MEIS1: variants seen among roughly 807,000 people sequenced by gnomAD.
The protein encoded by MEIS1 is Meis homeobox 1, also known as homeobox protein Meis1.
MEIS1 carries 5 observed loss-of-function variants against 50.8 expected under a neutral mutation model. The observed-to-expected ratio is 0.10, with a 90% confidence interval of 0.05 to 0.21. The LOEUF is 0.21. MEIS1 is among the 10% of genes least tolerant of loss of function. The pLI, the probability that MEIS1 is intolerant of heterozygous loss-of-function variation, is 1.00. For synonymous variants in MEIS1, 176 were observed against 179.3 expected (o/e 0.98, Z 0.15); for missense variants, 318 against 517.3 (o/e 0.61, Z 3.74).
intron 3 of MEIS1, 182 bp downstream of exon 3, chr2:66,440,166 CTCTG>C (rs959871139): frequency 8.2e-5 from 54 of 655,202 alleles, no homozygotes; most frequent in Middle Eastern, 8.5e-4. Flanking sequence ...CAGATTTTCT[CTCTG>C]TCTGAGTGTC....
intron 2 of MEIS1, among the ~76,000 whole-genome samples, chr2:66,438,848 T>C (rs1188562001): frequency 1.3e-5 from 2 of 152,044 alleles, no homozygotes; most frequent in Non-Finnish European, 2.9e-5. Flanking sequence ...AAAATATATA[T>C]AATCTTTTTA....
At chr2:66,554,430 G>A (rs536085298) in intron 9 of MEIS1, among the ~76,000 whole-genome samples, 1 of 152,334 alleles carries the variant, frequency 6.6e-6, no homozygotes, top group African/African-American at 2.4e-5. Flanking sequence ...GGGATGAGGG[G>A]CTGAGAGGTG....
rs374357094 is a variant in MEIS1, at chr2:66,477,385, A to G, written c.742+13165A>G. 7.2e-5 allele frequency among the ~76,000 whole-genome samples: 11 copies of G among 152,264 alleles called. No individual in the cohort carries two copies. The East Asian group carries it at 7.7e-4, about 11-fold the overall frequency. Reference sequence around the variant, plus strand: ...TACACAGACTACAGGTCCCACTGGCATGCTCTTTCTTTGTCTTCTTTTGAA... The same window carrying G: ...TACACAGACTACAGGTCCCACTGGCGTGCTCTTTCTTTGTCTTCTTTTGAA... On this transcript the variant is annotated intron_variant, in intron 7 of 12. Transcript: ENST00000272369.
Position 66,479,598 on chromosome 2 carries a change from A to G in MEIS1, c.742+15378A>G, listed in dbSNP as rs1672970776. On this transcript the variant is annotated intron_variant, in intron 7 of 12. Transcript: ENST00000272369. ...GAGATGAAGATCTTATAAAAATGCA[A>G]TAGACTTATGGTGCCAAAATGCTCT... 2.0e-5 allele frequency among the ~76,000 whole-genome samples: 3 copies of G among 152,224 alleles called. No homozygotes were observed. In the South Asian group the frequency reaches 6.2e-4, roughly 32 times the overall value.
chr2:66,466,483 A>T (rs1251660436), intron 7 of MEIS1, among the ~76,000 whole-genome samples: 1 of 152,220 alleles, frequency 6.6e-6, no homozygotes, highest in Non-Finnish European at 1.5e-5. Context: ...GCAACAACTT[A>T]TGCACACTTC....
intron 7 of MEIS1, among the ~76,000 whole-genome samples, chr2:66,487,024 A>G (rs921529801): frequency 2.6e-5 from 4 of 152,182 alleles, no homozygotes; most frequent in Non-Finnish European, 5.9e-5. Flanking sequence ...TAAATATACA[A>G]TCATGTCATC....
At chr2:66,519,911 T>G (rs953596925) in intron 8 of MEIS1, among the ~76,000 whole-genome samples, 1 of 152,220 alleles carries the variant, frequency 6.6e-6, no homozygotes, top group Non-Finnish European at 1.5e-5. Context: ...TAGTTGTCTT[T>G]GCATTTCATT....
chr2:66,520,132 C>G (rs1283578216), intron 8 of MEIS1, among the ~76,000 whole-genome samples: 1 of 151,872 alleles, frequency 6.6e-6, no homozygotes, highest in African/African-American at 2.4e-5. Context: ...AAGGTCATTT[C>G]TGTTGCAGTT....
intron 7 of MEIS1, among the ~76,000 whole-genome samples, chr2:66,485,251 C>T (rs1673114414): frequency 6.6e-6 from 1 of 152,196 alleles, no homozygotes; most frequent in East Asian, 1.9e-4. Flanking sequence ...CACTATCCCT[C>T]CCCTTGCACC....
chr2:66,516,126 C>T (rs1433050308), intron 8 of MEIS1, among the ~76,000 whole-genome samples: 1 of 152,164 alleles, frequency 6.6e-6, no homozygotes, highest in East Asian at 1.9e-4. Flanking sequence ...AATCAAGGGT[C>T]TCTTTTCTTT....
At chr2:66,544,450 C>T (rs1382353127) in intron 8 of MEIS1, among the ~76,000 whole-genome samples, 1 of 152,022 alleles carries the variant, frequency 6.6e-6, no homozygotes, top group Non-Finnish European at 1.5e-5. Flanking sequence ...CTAGCAATTA[C>T]AGACTTTTTT....
Position 66,441,406 on chromosome 2 carries a change from C to A in MEIS1, c.433-8C>A. The A allele has an allele frequency of 6.5e-7, 1 of 1,541,784 alleles. No individual in the cohort carries two copies. Among genetic ancestry groups the A allele is most frequent in the Admixed American group, 2.1e-5 (1 of 47,452 alleles). ...AATGGGGTGCTTATTGTTTTTGTAT[C>A]TTTGCAGATGATTCAAGCCATACAA... On this transcript the variant is annotated splice_polypyrimidine_tract_variant and splice_region_variant and intron_variant, in intron 4 of 12. Transcript: ENST00000272369.
Position 66,568,773 on chromosome 2 carries a change from G to C in MEIS1, c.1114+17G>C. The C allele has an allele frequency of 1.2e-6, 2 of 1,607,250 alleles. No individual in the cohort carries two copies. The highest frequency in any genetic ancestry group is 1.7e-6 in the Non-Finnish European group (2 of 1,173,790). On this transcript the variant is annotated intron_variant, in intron 11 of 12. Coordinates refer to ENST00000272369, the MANE Select transcript of MEIS1 (RefSeq NM_002398.3). ...GAGCACCAGGTAAGACTTTGTTTTTGTGGTAGTTCCTCATTTTTGACTCCA... is the reference window on the plus strand; with the variant it reads ...GAGCACCAGGTAAGACTTTGTTTTTCTGGTAGTTCCTCATTTTTGACTCCA...
At position 66,496,475 on chromosome 2, in the gene MEIS1, A is replaced by G. The variant is rs183775470; in HGVS notation, c.743-15674A>G. ...TGAATTGCCCAATTTCATAGTGTGCACGGGGGTCTCAGGAGAGGGCAATTG... is the reference window on the plus strand; with the variant it reads ...TGAATTGCCCAATTTCATAGTGTGCGCGGGGGTCTCAGGAGAGGGCAATTG... On this transcript the variant is annotated intron_variant, in intron 7 of 12. Coordinates refer to ENST00000272369, the MANE Select transcript of MEIS1 (RefSeq NM_002398.3). 1.2e-4 allele frequency among the ~76,000 whole-genome samples: 18 copies of G among 152,272 alleles called. No homozygotes were observed. In the East Asian group the frequency reaches 3.5e-3, roughly 29 times the overall value.
In MEIS1 at chr2:66,490,029, T is replaced by C. The variant is rs187306984; in HGVS notation, c.743-22120T>C. ...AAAACTGCTTAAAAGACAGCATCCCTTGAAGTTCAATAAAGGAATAAAGCA... is the reference window on the plus strand; with the variant it reads ...AAAACTGCTTAAAAGACAGCATCCCCTGAAGTTCAATAAAGGAATAAAGCA... On this transcript the variant is annotated intron_variant, in intron 7 of 12. Coordinates refer to ENST00000272369, the MANE Select transcript of MEIS1 (RefSeq NM_002398.3). Among the ~76,000 whole-genome samples, 10 of 152,328 alleles carry C rather than the reference T, an allele frequency of 6.6e-5. No individual in the cohort carries two copies. In the East Asian group the frequency reaches 1.9e-3, roughly 29 times the overall value.
chr2:66,447,008 A>AT (rs1490759717), intron 6 of MEIS1, among the ~76,000 whole-genome samples: 1 of 152,256 alleles, frequency 6.6e-6, no homozygotes, highest in African/African-American at 2.4e-5. Flanking sequence ...CCTCCGAAGA[A>AT]GCGGGGGAAA....
chr2:66,499,567 T>C (rs987367600), intron 7 of MEIS1, among the ~76,000 whole-genome samples: 2 of 152,004 alleles, frequency 1.3e-5, no homozygotes, highest in African/African-American at 2.4e-5. Context: ...TGAGAGAAGA[T>C]TCCCAGGAAG....
At chr2:66,568,807 A>T in intron 11 of MEIS1, 51 bp downstream of exon 11, 1 of 1,476,526 alleles carries the variant, frequency 6.8e-7, no homozygotes, top group Non-Finnish European at 9.5e-7. Flanking sequence ...CAAGAGTGTC[A>T]TCCCCTCATC....
chr2:66,570,296 G>A (rs1675452152), intron 12 of MEIS1: 1 of 151,986 alleles, frequency 6.6e-6, no homozygotes. Flanking sequence ...TAGTTTCTGG[G>A]TCAATTAAAT....
Sources: allele counts gnomAD v4.1 joint callset (sites outside exome capture counted in the v4.1 genomes callset), GRCh38; gene constraint gnomAD v4.1.1; transcripts MANE v1.5; gene names NCBI Gene and HGNC (gene_info 2026-07-23, HGNC 2026-07-21).